SLCO3A1: variants seen among roughly 807,000 people sequenced by gnomAD.
SLCO3A1 encodes solute carrier organic anion transporter family member 3A1.
A neutral mutation model predicts 63.1 loss-of-function variants in SLCO3A1; 27 were observed. The observed-to-expected ratio is 0.43, with a 90% CI of 0.32 to 0.59. SLCO3A1 has a LOEUF of 0.59. Ranked by LOEUF, SLCO3A1 falls within the 20% of genes least tolerant of loss-of-function variation. The pLI, the probability that SLCO3A1 is intolerant of heterozygous loss-of-function variation, is 0.09. For missense variants in SLCO3A1, 773 were observed against 945.8 expected, an observed-to-expected ratio of 0.82 and a Z score of 2.40; for synonymous variants, 473 against 409.9, an observed-to-expected ratio of 1.15 and a Z score of -1.86.
chr15:91,919,499 C>T (rs1489772610), intron 2 of SLCO3A1, among the ~76,000 whole-genome samples: 2 of 152,204 alleles, frequency 1.3e-5, no homozygotes, highest in African/African-American at 2.4e-5. Flanking sequence ...GTGGGTGGCA[C>T]GTGGCACTCT....
chr15:92,107,050 A>G (rs140011970), intron 4 of SLCO3A1, among the ~76,000 whole-genome samples: 101 of 152,358 alleles, frequency 6.6e-4, no homozygotes, highest in African/African-American at 2.3e-3. Flanking sequence ...GCTCAGAGCA[A>G]TGACAAGGTA....
intron 2 of SLCO3A1, among the ~76,000 whole-genome samples, chr15:92,070,870 A>G (rs2047208025): frequency 6.6e-6 from 1 of 152,216 alleles, no homozygotes; most frequent in Admixed American, 6.5e-5. Flanking sequence ...TATTTTAGGT[A>G]TACTGAACTA....
At chr15:92,123,834 A>G (rs1172435456) in intron 5 of SLCO3A1, among the ~76,000 whole-genome samples, 2 of 152,206 alleles carry the variant, frequency 1.3e-5, no homozygotes, top group Non-Finnish European at 2.9e-5. Flanking sequence ...TTCTATCGAC[A>G]AACAAATCAA....
chr15:91,962,269 C>T (rs1235709803), intron 2 of SLCO3A1, among the ~76,000 whole-genome samples: 1 of 152,036 alleles, frequency 6.6e-6, no homozygotes, highest in Non-Finnish European at 1.5e-5. Flanking sequence ...CACCTGAGGT[C>T]GGGAGTTCGA....
intron 2 of SLCO3A1, among the ~76,000 whole-genome samples, chr15:92,075,454 A>G (rs2047265725): frequency 6.6e-6 from 1 of 152,200 alleles, no homozygotes. Flanking sequence ...TGACTCTGTT[A>G]ATGCCACGGA....
At chr15:91,963,696 G>A (rs984198949) in intron 2 of SLCO3A1, among the ~76,000 whole-genome samples, 43 of 152,154 alleles carry the variant, frequency 2.8e-4, no homozygotes, top group Non-Finnish European at 5.9e-4. Flanking sequence ...AGGTTCAGAT[G>A]TGTCAGGAGT....
intron 1 of SLCO3A1, among the ~76,000 whole-genome samples, chr15:91,858,310 A>C (rs1896972851): frequency 6.6e-6 from 1 of 152,218 alleles, no homozygotes; most frequent in East Asian, 1.9e-4. Context: ...ATGCTTACTC[A>C]AAGTGACAAA....
intron 1 of SLCO3A1, among the ~76,000 whole-genome samples, chr15:91,874,795 ATCT>A (rs1177881304): frequency 6.6e-6 from 1 of 152,168 alleles, no homozygotes; most frequent in Admixed American, 6.5e-5. Flanking sequence ...TCCACAGAAC[ATCT>A]TCTGTAATGT....
chr15:91,891,124 AT>A (rs1033925511), intron 1 of SLCO3A1, among the ~76,000 whole-genome samples: 14 of 130,460 alleles, frequency 1.1e-4, no homozygotes, highest in African/African-American at 1.4e-4. Flanking sequence ...GGAACTTGGT[AT>A]TTATTGGCAT....
In SLCO3A1 at chr15:91,865,107, C is replaced by A. The variant is rs2141845652; in HGVS notation, c.180+11019C>A. ...GGAGCTGAGCGTGGTCTCTTACAAG[C>A]CTTTCAGATCCAATTCCACCTTTCA... On this transcript the variant is annotated intron_variant, in intron 1 of 9. Transcript: ENST00000318445. The surrounding 1 kb of genome is among the most constrained non-coding windows in gnomAD (Gnocchi z 4.6). 6.6e-6 allele frequency among the ~76,000 whole-genome samples: 1 copy of A among 152,344 alleles called. No individual in the cohort carries two copies.
Position 91,875,027 on chromosome 15 carries a change from T to C in SLCO3A1, c.180+20939T>C, listed in dbSNP as rs183331456. 7.0e-3 allele frequency among the ~76,000 whole-genome samples: 1,062 copies of C among 152,348 alleles called. 16 individuals are homozygous for C. The highest frequency in any genetic ancestry group is 0.021 in the African/African-American group (858 of 41,576). On this transcript the variant is annotated intron_variant, in intron 1 of 9. Coordinates refer to ENST00000318445, the MANE Select transcript of SLCO3A1 (RefSeq NM_013272.4). This position sits in a 1 kb window ranked among gnomAD's most constrained non-coding sequence, Gnocchi z 4.5. ...GCTAAGGCTGACCATGAGGTTGAGA[T>C]GGGTGGTTACATCCACACCACTCCA...
intron 2 of SLCO3A1, among the ~76,000 whole-genome samples, chr15:91,998,729 G>C (rs1371214512): frequency 3.3e-5 from 5 of 152,198 alleles, no homozygotes; most frequent in Non-Finnish European, 7.3e-5. Flanking sequence ...AAAGCAGTTT[G>C]AAGATTTCTC....
chr15:92,061,544 C>T (rs2047086315), intron 2 of SLCO3A1, among the ~76,000 whole-genome samples: 3 of 152,338 alleles, frequency 2.0e-5, no homozygotes, highest in East Asian at 1.9e-4. Context: ...TGTCCTCTTA[C>T]TGGGATTAGC....
chr15:91,936,029 AG>A (rs1899400761), intron 2 of SLCO3A1, among the ~76,000 whole-genome samples: 1 of 152,214 alleles, frequency 6.6e-6, no homozygotes, highest in South Asian at 2.1e-4. Flanking sequence ...TTAGTGACTG[AG>A]GGTGAGGGCT....
chr15:91,887,479 C>T (rs1321075907), intron 1 of SLCO3A1, among the ~76,000 whole-genome samples: 1 of 152,204 alleles, frequency 6.6e-6, no homozygotes, highest in Non-Finnish European at 1.5e-5. Flanking sequence ...CATGGTACTG[C>T]CTGTGTGCAC....
At chr15:92,028,370 T>G (rs1367981918) in intron 2 of SLCO3A1, among the ~76,000 whole-genome samples, 1 of 152,144 alleles carries the variant, frequency 6.6e-6, no homozygotes, top group Non-Finnish European at 1.5e-5. Flanking sequence ...ACCCCAGGAA[T>G]AGCTCCGGCT....
In SLCO3A1 at chr15:91,875,842, T is replaced by A. The variant is rs1897386231; in HGVS notation, c.180+21754T>A. On this transcript the variant is annotated intron_variant, in intron 1 of 9. Transcript: ENST00000318445. The surrounding 1 kb of genome is among the most constrained non-coding windows in gnomAD (Gnocchi z 4.5). The stretch of plus-strand genomic sequence containing the variant: ...TTATTGGAACACAGCCATGCTGATT[T>A]ATGTATATATTATCATCATCATGTG... Among the ~76,000 whole-genome samples, 1 of 152,238 alleles carries A rather than the reference T, an allele frequency of 6.6e-6. No homozygotes were observed. The highest frequency in any genetic ancestry group is 1.9e-4 in the East Asian group (1 of 5,200).
chr15:91,915,026 G>A (rs942629282), intron 1 of SLCO3A1, among the ~76,000 whole-genome samples: 2 of 152,148 alleles, frequency 1.3e-5, no homozygotes, highest in African/African-American at 4.8e-5. Context: ...AGCACCCTGC[G>A]TGGAATTTGC....
At chr15:92,078,453 T>A (rs1305189522) in intron 2 of SLCO3A1, among the ~76,000 whole-genome samples, 2 of 152,226 alleles carry the variant, frequency 1.3e-5, no homozygotes, top group African/African-American at 4.8e-5. Flanking sequence ...GGTCATAGCC[T>A]GACCTCGGCG....
Sources: gnomAD v4.1 joint callset for allele counts (sites outside exome capture counted in the v4.1 genomes callset) on GRCh38, gnomAD v4.1.1 for gene constraint, Gnocchi (gnomAD v3.1) non-coding constraint, MANE v1.5 for transcripts, NCBI Gene and HGNC (gene_info 2026-07-23, HGNC 2026-07-21) for gene names.